Variants in NBEAL1 observed in about 807,000 individuals in gnomAD.
The protein encoded by NBEAL1 is neurobeachin-like protein 1.
In NBEAL1, 273 loss-of-function variants were observed where a neutral mutation model predicts 351.3. The ratio of observed to expected loss-of-function variants is 0.78; its 90% CI spans 0.70 to 0.86. The LOEUF (loss-of-function observed/expected upper bound fraction) is 0.86, where lower values mean the gene tolerates loss of function less well. Ranked by LOEUF, NBEAL1 falls within the 40% of genes least tolerant of loss-of-function variation. The pLI, the probability that NBEAL1 is intolerant of heterozygous loss-of-function variation, is 0.00. For synonymous variants in NBEAL1, 1,050 were observed against 1,086.4 expected, an observed-to-expected ratio of 0.97 and a Z score of 0.66; for missense variants, 2,961 against 3,201.3, an observed-to-expected ratio of 0.92 and a Z score of 1.81.
intron 6 of NBEAL1, among the ~76,000 whole-genome samples, chr2:203,068,132 C>G (rs766906623): frequency 2.6e-5 from 4 of 152,100 alleles, no homozygotes; most frequent in African/African-American, 4.8e-5. Context: ...ATTTTAAGGT[C>G]TGGCTTCTTG....
intron 2 of NBEAL1, among the ~76,000 whole-genome samples, chr2:203,018,904 A>C (rs1200976527): frequency 6.6e-6 from 1 of 152,188 alleles, no homozygotes; most frequent in Non-Finnish European, 1.5e-5. Flanking sequence ...ATATGTGATC[A>C]ATGTTCTTAC....
intron 46 of NBEAL1, among the ~76,000 whole-genome samples, chr2:203,192,339 T>TTAG (rs2065115202): frequency 6.6e-6 from 1 of 152,148 alleles, no homozygotes; most frequent in Non-Finnish European, 1.5e-5. Flanking sequence ...GATACAAAAA[T>TTAG]CAGCCTTTGA....
At chr2:203,031,912 T>C (rs1434995197) in intron 2 of NBEAL1, among the ~76,000 whole-genome samples, 3 of 152,220 alleles carry the variant, frequency 2.0e-5, no homozygotes, top group African/African-American at 7.2e-5. Flanking sequence ...CCCTCCCACA[T>C]TGTACCATTG....
chr2:203,129,623 G>A (rs894067228), intron 24 of NBEAL1, among the ~76,000 whole-genome samples: 9 of 152,082 alleles, frequency 5.9e-5, no homozygotes, highest in Non-Finnish European at 1.0e-4. Flanking sequence ...ATATAATGAT[G>A]AATTATTATT....
chr2:203,197,481 C>G (rs2065271187), intron 48 of NBEAL1, 90 bp downstream of exon 48: 1 of 930,044 alleles, frequency 1.1e-6, no homozygotes, highest in Non-Finnish European at 1.7e-6. Context: ...TTAAAAGCCA[C>G]TTTTTGGCTG....
Position 203,144,996 on chromosome 2 carries a change from T to C in NBEAL1, c.5155-15T>C. ...TATATTAAATTTTATGTATCTTTTT[T>C]ATTTTTTTGGTAAGATTGTACCTTA... On this transcript the variant is annotated splice_polypyrimidine_tract_variant and intron_variant, in intron 32 of 55. Transcript: ENST00000683969. 6.5e-7 allele frequency: 1 copy of C among 1,527,164 alleles called. No homozygotes were observed. The allele number at this position is 1,527,164 out of a possible 1,614,324, so 94.6% of individuals were successfully genotyped here. A position where few individuals can be genotyped will look rare whatever the true frequency, so the allele number is the denominator to read the frequency against.
At position 203,016,374 on chromosome 2, in the gene NBEAL1, T is replaced by C; in HGVS notation, c.-11T>C. The stretch of plus-strand genomic sequence containing the variant: ...TTAAGGAAAACTTAAAGTGCCAGAG[T>C]GAAAGCCAGAATGGCATCCAGAGAG... On this transcript the variant is annotated 5_prime_UTR_variant, in exon 2 of 56. Coordinates refer to ENST00000683969, the MANE Select transcript of NBEAL1 (RefSeq NM_001378026.1). 6.8e-7 allele frequency: 1 copy of C among 1,476,402 alleles called. No homozygotes were observed. The highest frequency in any genetic ancestry group is 1.4e-5 in the South Asian group (1 of 73,168). 91.5% of individuals were successfully genotyped at this position (1,476,402 alleles called of 1,614,324 possible).
chr2:203,037,802 C>G (rs1208301292), intron 2 of NBEAL1, among the ~76,000 whole-genome samples: 1 of 148,520 alleles, frequency 6.7e-6, no homozygotes, highest in Non-Finnish European at 1.5e-5. Context: ...ACAAAAAATA[C>G]AAAAATACAA....
chr2:203,125,850 C>A, intron 20 of NBEAL1, 110 bp from the exon 21 acceptor site: 1 of 900,424 alleles, frequency 1.1e-6, no homozygotes, highest in Non-Finnish European at 1.6e-6. Context: ...TGGAAGCTGA[C>A]TGCTGAACCA....
chr2:203,207,222 G>T (rs1051305920), intron 51 of NBEAL1, among the ~76,000 whole-genome samples: 2 of 151,494 alleles, frequency 1.3e-5, no homozygotes, highest in African/African-American at 4.9e-5. Context: ...CCTCCGCCTG[G>T]CAGCCACCCC....
At chr2:203,184,544 A>G (rs956385436) in intron 44 of NBEAL1, among the ~76,000 whole-genome samples, 8 of 152,146 alleles carry the variant, frequency 5.3e-5, no homozygotes, top group Non-Finnish European at 1.0e-4. Flanking sequence ...CTTGCAGATG[A>G]TATTGATGGC....
Position 203,166,169 on chromosome 2 carries a change from A to T in NBEAL1, c.5735A>T (p.Asp1912Val), listed in dbSNP as rs777351795. The change falls in exon 37 of 56, where the codon GAT becomes GTT. Residue 1912 changes from aspartate (D) to valine (V), a missense_variant. Asp to Val is a radical substitution (Grantham distance 152). Transcript: ENST00000683969. ...RVNVDEKEEQ[D>V]QKEKLVLMED... ...TACAGTGATGAGAAAGAAGAACAGG[A>T]TCAAAAAGAAAAATTGGTATTGATG... 6.3e-7 allele frequency: 1 copy of T among 1,584,544 alleles called. No individual in the cohort carries two copies. Among genetic ancestry groups the T allele is most frequent in the South Asian group, 1.2e-5 (1 of 83,768 alleles).
At chr2:203,164,578 A>G (rs1029057014) in intron 36 of NBEAL1, among the ~76,000 whole-genome samples, 2 of 152,054 alleles carry the variant, frequency 1.3e-5, no homozygotes, top group South Asian at 2.1e-4. Flanking sequence ...TCATGGCTCT[A>G]TTTATCACTG....
rs1238612714 is a variant in NBEAL1 at position 203,224,716 on chromosome 2, T to A, written c.*7362T>A. The stretch of plus-strand genomic sequence containing the variant: ...AAATGTTCCTTCTCACTTATTCTAC[T>A]GGAATTGACCATGAAAAAGAAAATA... On this transcript the variant is annotated 3_prime_UTR_variant, in exon 56 of 56. Transcript: ENST00000683969. Among the ~76,000 whole-genome samples, 1 of 152,176 alleles carries A rather than the reference T, an allele frequency of 6.6e-6. No homozygotes were observed. The highest frequency in any genetic ancestry group is 1.5e-5 in the Non-Finnish European group (1 of 68,000).
Position 203,171,618 on chromosome 2 carries a change from T to TA in NBEAL1, c.6103-307dup, listed in dbSNP as rs1391372497. 5.3e-5 allele frequency among the ~76,000 whole-genome samples: 8 copies of TA among 150,068 alleles called. No homozygotes were observed. In the East Asian group the frequency reaches 1.4e-3, roughly 26 times the overall value. The stretch of plus-strand genomic sequence containing the variant: ...AGACCATTTCTCTGAAATAAATAAA[T>TA]AAATAAAATAAAAATTTTAAGGTAT... On this transcript the variant is annotated intron_variant, in intron 39 of 55. Coordinates refer to ENST00000683969, the MANE Select transcript of NBEAL1 (RefSeq NM_001378026.1).
intron 8 of NBEAL1, among the ~76,000 whole-genome samples, chr2:203,081,446 G>A (rs1166964580): frequency 6.6e-6 from 1 of 152,046 alleles, no homozygotes; most frequent in East Asian, 1.9e-4. Flanking sequence ...ATATTTGTAA[G>A]GACTAAATGA....
At chr2:203,174,960 A>G (rs1424603781) in intron 41 of NBEAL1, among the ~76,000 whole-genome samples, 187 bp from the exon 42 acceptor site, 1 of 152,118 alleles carries the variant, frequency 6.6e-6, no homozygotes, top group Non-Finnish European at 1.5e-5. Flanking sequence ...AGAAAAAAGT[A>G]TTAAGCAATA....
Position 203,132,133 on chromosome 2 carries a change from G to A in NBEAL1, c.3724+1G>A. The stretch of plus-strand genomic sequence containing the variant: ...CTCACCCATCAAATCATAAATACAG[G>A]TATGAATAAGGCTAATAAAGCTAAC... On this transcript the variant is annotated splice_donor_variant, in intron 26 of 55. Transcript: ENST00000683969. LOFTEE classifies it high-confidence loss of function. The A allele has an allele frequency of 1.3e-6, 2 of 1,496,752 alleles. No individual in the cohort carries two copies. Among genetic ancestry groups the A allele is most frequent in the Non-Finnish European group, 1.8e-6 (2 of 1,104,882 alleles). 92.7% of individuals were successfully genotyped at this position (1,496,752 alleles called of 1,614,324 possible).
At chr2:203,110,912 C>T (rs1037474272) in intron 15 of NBEAL1, among the ~76,000 whole-genome samples, 2 of 151,282 alleles carry the variant, frequency 1.3e-5, no homozygotes, top group African/African-American at 2.4e-5. Context: ...ACTACAGGCA[C>T]GTGCCACCAC....
Sources: gnomAD v4.1 joint callset for allele counts (sites outside exome capture counted in the v4.1 genomes callset) on GRCh38, gnomAD v4.1.1 for gene constraint, MANE v1.5 for transcripts, NCBI Gene and HGNC (gene_info 2026-07-23, HGNC 2026-07-21) for gene names.